Variants in STIL observed in about 807,000 individuals in gnomAD.
STIL encodes STIL centriolar assembly protein.
STIL carries 55 observed loss-of-function variants against 110.1 expected under a neutral mutation model. The observed-to-expected ratio is 0.50, with a 90% CI of 0.40 to 0.63. STIL has a LOEUF of 0.63. STIL is among the 20% of genes least tolerant of loss of function. The pLI is 0.00. For missense variants in STIL, 1,358 were observed against 1,530.0 expected, an observed-to-expected ratio of 0.89 and a Z score of 1.87; for synonymous variants, 481 against 530.0, an observed-to-expected ratio of 0.91 and a Z score of 1.27.
intron 8 of STIL, among the ~76,000 whole-genome samples, chr1:47,290,886 C>T (rs553090510): frequency 6.6e-6 from 1 of 152,226 alleles, no homozygotes; most frequent in South Asian, 2.1e-4. Context: ...TCTCCAGCTA[C>T]TCTCCCCTTC....
intron 10 of STIL, among the ~76,000 whole-genome samples, chr1:47,284,286 C>G (rs1384232908): frequency 1.3e-5 from 2 of 152,156 alleles, no homozygotes; most frequent in African/African-American, 4.8e-5. Flanking sequence ...GAGAGACAAA[C>G]ATTTTGATAA....
At chr1:47,290,758 G>C (rs945442063) in intron 8 of STIL, among the ~76,000 whole-genome samples, 33 of 151,506 alleles carry the variant, frequency 2.2e-4, no homozygotes, top group African/African-American at 7.8e-4. Context: ...CTAAAGACAT[G>C]ACTAGGCAGT....
At chr1:47,275,705 G>C (rs1384659005) in intron 12 of STIL, among the ~76,000 whole-genome samples, 1 of 151,814 alleles carries the variant, frequency 6.6e-6, no homozygotes, top group Non-Finnish European at 1.5e-5. Context: ...GCTCACTGCA[G>C]CCTCAGCTTC....
intron 10 of STIL, chr1:47,283,533 T>A (rs372715659): frequency 6.6e-6 from 1 of 152,280 alleles, no homozygotes; most frequent in Non-Finnish European, 1.5e-5. Context: ...AGCAGGAACT[T>A]GCACAAATCT....
intron 12 of STIL, among the ~76,000 whole-genome samples, chr1:47,278,386 T>G (rs939462498): frequency 2.6e-5 from 4 of 152,032 alleles, no homozygotes; most frequent in Non-Finnish European, 4.4e-5. Context: ...ATAAGGAAAA[T>G]ACTATATGTA....
chr1:47,300,691 ACTC>A (rs371056084), intron 5 of STIL, among the ~76,000 whole-genome samples: 146 of 151,224 alleles, frequency 9.7e-4, no homozygotes, highest in African/African-American at 3.3e-3. Flanking sequence ...CTGGTCTTGA[ACTC>A]CTCCTGATCA....
Position 47,301,737 on chromosome 1 carries a change from C to T in STIL, c.277G>A (p.Val93Ile), listed in dbSNP as rs200334494. Residue 93 changes from valine to isoleucine, a missense_variant, in exon 5 of 17, where the codon GTA becomes ATA. Val to Ile is a conservative substitution (Grantham distance 29). Transcript: ENST00000371877. ...SLTADEDEEG[V>I]TLTVDRFDPG... ...TCAAAGCGATCTACTGTCAATGTTA[C>T]ACCTTCTTCATCTGTAGAACAAAAA... The T allele has an allele frequency of 6.4e-5, 103 of 1,613,856 alleles. No homozygotes were observed. In the East Asian group the frequency reaches 2.2e-3, roughly 35 times the overall value.
rs922121092 is a variant in STIL at position 47,299,657 on chromosome 1, T to C, written c.701+248A>G. On this transcript the variant is annotated intron_variant, in intron 6 of 16. Coordinates refer to ENST00000371877, the MANE Select transcript of STIL (RefSeq NM_001048166.1). ...ATCTGCCCGCCTAGGCCTCCCAAAG[T>C]ACTGGGATTACAGGTGTGAGCCACT... The C allele has an allele frequency of 3.8e-5, 16 of 418,266 alleles. 1 individual carries two copies. Among genetic ancestry groups the C allele is most frequent in the South Asian group, 3.0e-4 (14 of 47,324 alleles). 25.9% of individuals were successfully genotyped at this position (418,266 alleles called of 1,614,324 possible).
intron 12 of STIL, among the ~76,000 whole-genome samples, chr1:47,277,883 TTA>T (rs1283335286): frequency 6.6e-6 from 1 of 152,022 alleles, no homozygotes; most frequent in African/African-American, 2.4e-5. Flanking sequence ...TCCATACAAC[TTA>T]TGTATATCCC....
intron 8 of STIL, among the ~76,000 whole-genome samples, chr1:47,293,070 T>C (rs1038156719): frequency 6.6e-6 from 1 of 152,216 alleles, no homozygotes; most frequent in Non-Finnish European, 1.5e-5. Context: ...TCTTTGTGTA[T>C]TAGTAGTAAC....
At chr1:47,294,053 T>C (rs1207459594) in intron 7 of STIL, among the ~76,000 whole-genome samples, 1 of 152,232 alleles carries the variant, frequency 6.6e-6, no homozygotes, top group Non-Finnish European at 1.5e-5. Flanking sequence ...ATTAGGACTG[T>C]AGCAAACTAT....
At chr1:47,299,814 T>C (rs994737563) in intron 6 of STIL, 91 bp downstream of exon 6, 3 of 1,363,502 alleles carry the variant, frequency 2.2e-6, no homozygotes, top group Non-Finnish European at 3.1e-6. Flanking sequence ...CTCTGGCATA[T>C]AAATTGACTG....
chr1:47,285,974 A>C (rs1192647308), intron 10 of STIL, among the ~76,000 whole-genome samples: 1 of 151,938 alleles, frequency 6.6e-6, no homozygotes, highest in African/African-American at 2.4e-5. Context: ...TCCCGGGTTC[A>C]AGCGATTCTC....
chr1:47,289,353 A>C (rs954231992), intron 9 of STIL, 82 bp downstream of exon 9: 6 of 1,064,864 alleles, frequency 5.6e-6, no homozygotes, highest in Non-Finnish European at 8.4e-6. Context: ...ACTATTTTAA[A>C]GGGTAAAAGC....
chr1:47,257,874 T>C (rs2148690183), intron 16 of STIL, among the ~76,000 whole-genome samples: 1 of 152,364 alleles, frequency 6.6e-6, no homozygotes, highest in East Asian at 1.9e-4. Context: ...TCTTATAGGC[T>C]GGCTCATAGA....
chr1:47,272,188 A>G lies in STIL; in HGVS notation c.2271T>C (p.Thr757=). ...QSLMPCSPKT[T]AVEDTVQAGR... ...CAGCTTGCACTGTGTCTTCAACAGC[A>G]GTTGTCTTAGGGGAACAGGGCATCA... Residue 757 remains threonine, a synonymous_variant, in exon 13 of 17, where the codon ACT becomes ACC. Coordinates refer to ENST00000371877, the MANE Select transcript of STIL (RefSeq NM_001048166.1). 6.2e-7 allele frequency: 1 copy of G among 1,614,226 alleles called. No individual in the cohort carries two copies. The highest frequency in any genetic ancestry group is 1.1e-5 in the South Asian group (1 of 91,088).
At chr1:47,260,652 C>G in intron 15 of STIL, 113 bp from the exon 16 acceptor site, 2 of 1,145,932 alleles carry the variant, frequency 1.7e-6, no homozygotes, top group Non-Finnish European at 2.5e-6. Flanking sequence ...GCAGGAAGAT[C>G]GCTTGAGCCC....
chr1:47,293,759 T>C (rs1363812390), intron 7 of STIL, among the ~76,000 whole-genome samples: 1 of 151,996 alleles, frequency 6.6e-6, no homozygotes. Flanking sequence ...TAGACAGACA[T>C]ATAGATATAT....
chr1:47,286,117 C>T (rs1056187205), intron 10 of STIL, among the ~76,000 whole-genome samples: 4 of 150,588 alleles, frequency 2.7e-5, no homozygotes, highest in Non-Finnish European at 5.9e-5. Context: ...TCAACTGATC[C>T]GCCCGCCTCA....
Sources: allele counts gnomAD v4.1 joint callset (sites outside exome capture counted in the v4.1 genomes callset), GRCh38; gene constraint gnomAD v4.1.1; transcripts MANE v1.5; gene names NCBI Gene and HGNC (gene_info 2026-07-23, HGNC 2026-07-21).